The following QRFPR variants were observed in gnomAD, a reference collection of about 807,000 sequenced individuals.
The protein encoded by QRFPR is pyroglutamylated RFamide peptide receptor.
Under a neutral mutation model 31.3 loss-of-function variants are expected in QRFPR, and 37 were observed. That is an observed-to-expected ratio of 1.18 (90% CI 0.91 to 1.56). The LOEUF (loss-of-function observed/expected upper bound fraction) is 1.56, where lower values mean the gene tolerates loss of function less well. Ranked by LOEUF, QRFPR falls within the 40% of genes most tolerant of loss-of-function variation. The pLI is 0.00. For missense variants in QRFPR, 542 were observed against 532.5 expected (o/e 1.02, Z -0.18); for synonymous variants, 197 against 192.0 (o/e 1.03, Z -0.22).
chr4:121,338,506 T>C (rs1725476574), intron 2 of QRFPR, among the ~76,000 whole-genome samples: 1 of 152,218 alleles, frequency 6.6e-6, no homozygotes, highest in South Asian at 2.1e-4. Context: ...TGAGATTTTT[T>C]TGCGATATAT....
In QRFPR at chr4:121,329,436, T is replaced by C. The variant is rs933474272; in HGVS notation, c.1174A>G (p.Ser392Gly). 32 of 1,614,064 alleles carry C rather than the reference T, an allele frequency of 2.0e-5. No homozygotes were observed. The highest frequency in any genetic ancestry group is 2.5e-5 in the Non-Finnish European group (30 of 1,180,026). Reference protein sequence around the residue: ...PVEETKGEAFSDGNIEVKLCE... With the variant: ...PVEETKGEAFGDGNIEVKLCE... The stretch of plus-strand genomic sequence containing the variant: ...AATTTGACTTCAATGTTGCCATCAC[T>C]GAATGCTTCTCCTTTGGTTTCCTCC... The change falls in exon 6 of 6, where the codon AGT becomes GGT. Residue 392 changes from serine to glycine, a missense_variant. Coordinates refer to ENST00000394427, the MANE Select transcript of QRFPR (RefSeq NM_198179.3).
intron 1 of QRFPR, among the ~76,000 whole-genome samples, chr4:121,362,453 T>C (rs116345218): frequency 0.016 from 2,447 of 150,076 alleles, 140 homozygotes; most frequent in Non-Finnish European, 0.027. Flanking sequence ...AGCAAGTTAT[T>C]TTCTGGACAT....
In QRFPR at chr4:121,380,186, G is replaced by GGAGA. The variant is rs70950816; in HGVS notation, c.340+118_340+121dup. ...GAGAGAGAGACAGACAGACGAGAGA[G>GGAGA]GAGAGAGAGAGAGAGAGAGAGAGAG... On this transcript the variant is annotated intron_variant, in intron 1 of 5. Coordinates refer to ENST00000394427, the MANE Select transcript of QRFPR (RefSeq NM_198179.3). The GGAGA allele has an allele frequency of 8.5e-3, 1,986 of 232,856 alleles. 46 individuals carry two copies. The highest frequency in any genetic ancestry group is 0.027 in the East Asian group (532 of 19,680). 14.4% of individuals were successfully genotyped at this position (232,856 alleles called of 1,614,324 possible).
At chr4:121,365,166 A>G (rs1340724979) in intron 1 of QRFPR, among the ~76,000 whole-genome samples, 1 of 149,284 alleles carries the variant, frequency 6.7e-6, no homozygotes, top group Non-Finnish European at 1.5e-5. Context: ...AAAGATAAAT[A>G]CAATCTCATC....
At chr4:121,374,993 C>T (rs1726323816) in intron 1 of QRFPR, among the ~76,000 whole-genome samples, 2 of 151,992 alleles carry the variant, frequency 1.3e-5, no homozygotes, top group Admixed American at 1.3e-4. Context: ...CTGGCTGTGC[C>T]GGAATCCACA....
At chr4:121,367,036 G>T (rs1726144789) in intron 1 of QRFPR, among the ~76,000 whole-genome samples, 1 of 150,062 alleles carries the variant, frequency 6.7e-6, no homozygotes. Context: ...AAATTGAGGT[G>T]CCGTCATGTA....
At chr4:121,345,009 C>G (rs1725617868) in intron 1 of QRFPR, among the ~76,000 whole-genome samples, 1 of 152,146 alleles carries the variant, frequency 6.6e-6, no homozygotes, top group Admixed American at 6.5e-5. Flanking sequence ...ATGTTAGTAT[C>G]ACAGTTGTGC....
rs762933333 is a variant in QRFPR, at chr4:121,332,941, GGC to G, written c.675_676del (p.Pro226SerfsTer10). The G allele has an allele frequency of 8.7e-6, 14 of 1,613,872 alleles. No homozygotes were observed. Among genetic ancestry groups the G allele is most frequent in the Non-Finnish European group, 1.2e-5 (14 of 1,179,890 alleles). On this transcript the variant is annotated frameshift_variant, in exon 4 of 6. Coordinates refer to ENST00000394427, the MANE Select transcript of QRFPR (RefSeq NM_198179.3). LOFTEE classifies it high-confidence loss of function. Reference sequence around the variant, plus strand: ...GTACAGAATAAGCATCACCATAAGAGGCAGGAGGAAGAGGATGACAAGGATGA... The same window carrying G: ...GTACAGAATAAGCATCACCATAAGAGAGGAGGAAGAGGATGACAAGGATGA...
At chr4:121,340,346 C>T (rs752135968) in intron 2 of QRFPR, 106 bp downstream of exon 2, 7 of 1,200,446 alleles carry the variant, frequency 5.8e-6, no homozygotes, top group East Asian at 2.5e-5. Flanking sequence ...TATTCCAATG[C>T]CTACAAGTTA....
intron 1 of QRFPR, among the ~76,000 whole-genome samples, chr4:121,376,848 C>G (rs948158887): frequency 6.6e-6 from 1 of 151,442 alleles, no homozygotes; most frequent in Non-Finnish European, 1.5e-5. Flanking sequence ...TTTTTTTTTT[C>G]CTTATAAAGA....
intron 3 of QRFPR, 133 bp from the exon 4 acceptor site, chr4:121,333,189 T>C (rs1193900940): frequency 3.3e-6 from 2 of 611,718 alleles, no homozygotes; most frequent in Admixed American, 3.0e-5. Context: ...TCAAATGAGA[T>C]ACATTTTTAA....
At chr4:121,373,351 C>G (rs1449177268) in intron 1 of QRFPR, among the ~76,000 whole-genome samples, 1 of 152,208 alleles carries the variant, frequency 6.6e-6, no homozygotes, top group Non-Finnish European at 1.5e-5. Context: ...TGACCTACAG[C>G]ATCTTTTCTT....
Position 121,380,466 on chromosome 4 carries a change from A to C in QRFPR, c.182T>G (p.Phe61Cys). ...CACGTAGAACACCAGAGCATTGCCA[A>C]AGAGCGCCAGGGCGAAGATGAGCAC... is the stretch of plus-strand genomic sequence containing the variant. Reference protein sequence around the residue: ...TGVLIFALALFGNALVFYVVT... With the variant: ...TGVLIFALALCGNALVFYVVT... The change falls in exon 1 of 6, where the codon TTT becomes TGT. Residue 61 changes from phenylalanine to cysteine, a missense_variant. Coordinates refer to ENST00000394427, the MANE Select transcript of QRFPR (RefSeq NM_198179.3). 1 of 1,614,258 alleles carries C rather than the reference A, an allele frequency of 6.2e-7. No individual in the cohort carries two copies. The highest frequency in any genetic ancestry group is 8.5e-7 in the Non-Finnish European group (1 of 1,180,038).
intron 1 of QRFPR, among the ~76,000 whole-genome samples, chr4:121,354,546 C>G (rs1349421884): frequency 2.0e-5 from 3 of 151,882 alleles, no homozygotes; most frequent in African/African-American, 7.3e-5. Flanking sequence ...TCATTTATTT[C>G]TTTCTCCTGT....
chr4:121,374,513 C>T (rs1289434117), intron 1 of QRFPR, among the ~76,000 whole-genome samples: 1 of 152,156 alleles, frequency 6.6e-6, no homozygotes, highest in Non-Finnish European at 1.5e-5. Context: ...ACTCCTGGTG[C>T]TGTCAGCATT....
intron 4 of QRFPR, among the ~76,000 whole-genome samples, chr4:121,332,196 T>C (rs1333003912): frequency 6.6e-6 from 1 of 152,164 alleles, no homozygotes; most frequent in Admixed American, 6.5e-5. Context: ...TAATAGTCAT[T>C]CAGTGTAGGT....
In QRFPR at chr4:121,377,410, TATA is replaced by T. The variant is rs751498116; in HGVS notation, c.340+2895_340+2897del. Reference sequence around the variant, plus strand: ...AGGTTTTTACATAACTATATATATATATATTTTTTTTTTTTTCCTCCCCAGTTG... The same window carrying T: ...AGGTTTTTACATAACTATATATATATTTTTTTTTTTTTTCCTCCCCAGTTG... On this transcript the variant is annotated intron_variant, in intron 1 of 5. Coordinates refer to ENST00000394427, the MANE Select transcript of QRFPR (RefSeq NM_198179.3). Among the ~76,000 whole-genome samples the T allele has an allele frequency of 1.6e-3, 171 of 107,406 alleles. 2 individuals carry two copies. The highest frequency in any genetic ancestry group is 5.5e-3 in the African/African-American group (170 of 31,192). The allele number at this position is 107,406 out of a possible 152,430, so 70.5% of individuals were successfully genotyped here.
chr4:121,359,119 G>A (rs1725930045), intron 1 of QRFPR, among the ~76,000 whole-genome samples: 1 of 152,194 alleles, frequency 6.6e-6, no homozygotes, highest in South Asian at 2.1e-4. Flanking sequence ...TACAAAGGAA[G>A]TAAGTATTCA....
rs70950816 is a variant in QRFPR, at chr4:121,380,186, G to GGAGAGA, written c.340+116_340+121dup. On this transcript the variant is annotated intron_variant, in intron 1 of 5. Coordinates refer to ENST00000394427, the MANE Select transcript of QRFPR (RefSeq NM_198179.3). ...GAGAGAGAGACAGACAGACGAGAGA[G>GGAGAGA]GAGAGAGAGAGAGAGAGAGAGAGAG... The GGAGAGA allele has an allele frequency of 5.9e-3, 1,378 of 233,680 alleles. 51 individuals carry two copies. Among genetic ancestry groups the GGAGAGA allele is most frequent in the East Asian group, 0.018 (358 of 19,762 alleles). 14.5% of individuals were successfully genotyped at this position (233,680 alleles called of 1,614,324 possible).
Sources: allele counts gnomAD v4.1 joint callset (sites outside exome capture counted in the v4.1 genomes callset), GRCh38; gene constraint gnomAD v4.1.1; transcripts MANE v1.5; gene names NCBI Gene and HGNC (gene_info 2026-07-23, HGNC 2026-07-21).